The following UNC79 variants were observed in gnomAD, a reference collection of about 807,000 sequenced individuals.
UNC79 encodes protein unc-79 homolog.
UNC79 carries 37 observed loss-of-function variants against 283.1 expected under a neutral mutation model. The ratio of observed to expected loss-of-function variants is 0.13; its 90% confidence interval spans 0.10 to 0.17. The LOEUF is 0.17. UNC79 is among the 10% of genes least tolerant of loss of function. The probability of loss-of-function intolerance (pLI) is 1.00; values close to 1 mark genes in which losing one functional copy is unlikely to be tolerated. For missense variants in UNC79, 2,272 were observed against 3,211.1 expected (o/e 0.71, Z 7.07); for synonymous variants, 1,107 against 1,200.2 (o/e 0.92, Z 1.61).
At chr14:93,645,100 A>G (rs59743405) in intron 34 of UNC79, among the ~76,000 whole-genome samples, 6,336 of 152,272 alleles carry the variant, frequency 0.042, 387 homozygotes, top group African/African-American at 0.14. Flanking sequence ...TCTACTATCA[A>G]TACTTCTTAG....
chr14:93,584,587 T>C (rs571152164), intron 20 of UNC79, among the ~76,000 whole-genome samples: 3 of 152,268 alleles, frequency 2.0e-5, no homozygotes, highest in Admixed American at 6.5e-5. Flanking sequence ...CTGTACTCTT[T>C]CTATGCAAAT....
chr14:93,390,794 TAAAG>T (rs1172483313), intron 1 of UNC79, among the ~76,000 whole-genome samples: 5 of 152,090 alleles, frequency 3.3e-5, no homozygotes, highest in Non-Finnish European at 7.4e-5. Context: ...TGAAGGAAAT[TAAAG>T]AAGCCCCAAA....
chr14:93,577,818 A>G lies in UNC79; in HGVS notation c.2212-24A>G, dbSNP rs757908479. ...TTTGAGCTTCTGTGAGTTCATTTCT[A>G]TGTGTTGCCATTCTTTCTTGTAGGT... is the stretch of plus-strand genomic sequence containing the variant. On this transcript the variant is annotated intron_variant, in intron 17 of 48. Transcript: ENST00000555664. 7 of 1,609,230 alleles carry G rather than the reference A, an allele frequency of 4.3e-6. No homozygotes were observed. The East Asian group carries it at 6.7e-5, about 15-fold the overall frequency.
At chr14:93,378,792 TA>T (rs2054610270) in intron 1 of UNC79, among the ~76,000 whole-genome samples, 1 of 152,222 alleles carries the variant, frequency 6.6e-6, no homozygotes, top group South Asian at 2.1e-4. Flanking sequence ...GCTCAACCTG[TA>T]GTAGCATATG....
At chr14:93,495,058 A>AT (rs941949732) in intron 5 of UNC79, among the ~76,000 whole-genome samples, 105 of 152,138 alleles carry the variant, frequency 6.9e-4, no homozygotes, top group African/African-American at 2.5e-3. Context: ...TCCCCAGCAG[A>AT]TTTTCTCTTC....
chr14:93,439,440 G>T (rs1236478876), intron 1 of UNC79, among the ~76,000 whole-genome samples: 1 of 151,902 alleles, frequency 6.6e-6, no homozygotes, highest in Non-Finnish European at 1.5e-5. Context: ...CATCTATGGA[G>T]ACCATATTGC....
At chr14:93,653,298 T>G (rs1279151984) in intron 35 of UNC79, among the ~76,000 whole-genome samples, 1 of 149,252 alleles carries the variant, frequency 6.7e-6, no homozygotes, top group Non-Finnish European at 1.5e-5. Context: ...CATCTCCTAA[T>G]GAGAATGAAC....
chr14:93,649,530 C>A (rs1439607356), intron 35 of UNC79, among the ~76,000 whole-genome samples: 1 of 152,128 alleles, frequency 6.6e-6, no homozygotes, highest in African/African-American at 2.4e-5. Context: ...GCAAAGTTAG[C>A]ATTAACTCAA....
chr14:93,508,418 A>AATAATCCTGCTGGG (rs1304537704), intron 7 of UNC79, among the ~76,000 whole-genome samples: 5 of 152,178 alleles, frequency 3.3e-5, no homozygotes, highest in Admixed American at 2.0e-4. Context: ...TTTCTGCCAA[A>AATAATCCTGCTGGG]ATAATCCTGC....
At chr14:93,591,343 T>C (rs2064662572) in intron 22 of UNC79, among the ~76,000 whole-genome samples, 1 of 152,226 alleles carries the variant, frequency 6.6e-6, no homozygotes, top group African/African-American at 2.4e-5. Context: ...TGCTGACCCC[T>C]GTGCAGTTGA....
At chr14:93,481,828 G>T (rs748950375) in intron 4 of UNC79, among the ~76,000 whole-genome samples, 1 of 152,084 alleles carries the variant, frequency 6.6e-6, no homozygotes, top group Non-Finnish European at 1.5e-5. Flanking sequence ...TTAGCTACTG[G>T]TTGTTTTTCT....
intron 1 of UNC79, among the ~76,000 whole-genome samples, chr14:93,455,452 A>G (rs1203070663): frequency 6.6e-6 from 1 of 152,148 alleles, no homozygotes; most frequent in Non-Finnish European, 1.5e-5. Context: ...TACCACATGC[A>G]GCAATAGAGT....
chr14:93,353,078 A>C (rs1303814097), intron 1 of UNC79, among the ~76,000 whole-genome samples: 1 of 152,140 alleles, frequency 6.6e-6, no homozygotes, highest in Non-Finnish European at 1.5e-5. Context: ...TCCTTATTCC[A>C]CTGTTCCCAC....
intron 35 of UNC79, among the ~76,000 whole-genome samples, chr14:93,650,828 T>G (rs1280493335): frequency 6.6e-6 from 1 of 152,214 alleles, no homozygotes; most frequent in Non-Finnish European, 1.5e-5. Flanking sequence ...AATTATTGCT[T>G]CTTTTTATTT....
chr14:93,629,153 C>G (rs868630640), intron 30 of UNC79, among the ~76,000 whole-genome samples: 6 of 152,272 alleles, frequency 3.9e-5, no homozygotes, highest in African/African-American at 1.2e-4. Flanking sequence ...GAGCTGAGTT[C>G]ATGCCACTGC....
intron 16 of UNC79, among the ~76,000 whole-genome samples, chr14:93,574,797 G>A: frequency 6.6e-6 from 1 of 151,396 alleles, no homozygotes; most frequent in Non-Finnish European, 1.5e-5. Context: ...GTGGGGGACA[G>A]CATCAAAAGA....
intron 24 of UNC79, among the ~76,000 whole-genome samples, chr14:93,597,969 C>T (rs1008213131): frequency 1.3e-5 from 2 of 152,164 alleles, no homozygotes; most frequent in Admixed American, 6.5e-5. Flanking sequence ...ACCAGAACCA[C>T]ATCTTGCTAA....
In UNC79 at chr14:93,621,939, G is replaced by T. The variant is rs921034190; in HGVS notation, c.4706G>T (p.Gly1569Val). 9 of 1,613,912 alleles carry T rather than the reference G, an allele frequency of 5.6e-6. No individual in the cohort carries two copies. The African/African-American group carries it at 1.1e-4, about 19-fold the overall frequency. ...ATCCCCGAGAACCCAGCTATGGAAG[G>T]GTTTCCAGATGCTCGAAGGCCTGTC... The change falls in exon 30 of 49, where the codon GGG becomes GTG. Residue 1569 changes from glycine to valine, a missense_variant. By Grantham distance (109) the Gly-to-Val change is moderately radical. This residue lies in a region of UNC79 where 580 missense variants were observed against 632.2 expected (regional missense o/e 0.92). Transcript: ENST00000555664. This position sits in a 1 kb window ranked among gnomAD's most constrained non-coding sequence, Gnocchi z 4.8.
chr14:93,526,478 T>C (rs1403297557), intron 8 of UNC79, among the ~76,000 whole-genome samples: 1 of 152,208 alleles, frequency 6.6e-6, no homozygotes, highest in African/African-American at 2.4e-5. Flanking sequence ...CAGTAATACT[T>C]ATCAGAGTGT....
Sources: allele counts gnomAD v4.1 joint callset (sites outside exome capture counted in the v4.1 genomes callset), GRCh38; gene constraint gnomAD v4.1.1; regional missense constraint gnomAD v4.1.1; non-coding constraint Gnocchi (gnomAD v3.1); transcripts MANE v1.5; gene names NCBI Gene and HGNC (gene_info 2026-07-23, HGNC 2026-07-21).